Variants in ARL13B observed in about 807,000 individuals in gnomAD.
ARL13B encodes ADP-ribosylation factor-like protein 13B.
A neutral mutation model predicts 56.1 loss-of-function variants in ARL13B; 36 were observed. That is an observed-to-expected ratio of 0.64 (90% CI 0.49 to 0.85). ARL13B has a LOEUF of 0.85. Among genes scored for constraint, ARL13B ranks in the 40% least tolerant of loss-of-function variants. ARL13B has a pLI of 0.00. For synonymous variants in ARL13B, 178 were observed against 171.1 expected, an observed-to-expected ratio of 1.04 and a Z score of -0.32; for missense variants, 519 against 507.1, an observed-to-expected ratio of 1.02 and a Z score of -0.23.
chr3:93,985,370 A>G (rs898557997), intron 1 of ARL13B, among the ~76,000 whole-genome samples: 1 of 152,176 alleles, frequency 6.6e-6, no homozygotes, highest in Non-Finnish European at 1.5e-5. Context: ...TAGTGCATGT[A>G]AAATATAATG....
chr3:93,992,198 GA>G (rs1217412210), intron 1 of ARL13B, among the ~76,000 whole-genome samples: 1 of 152,054 alleles, frequency 6.6e-6, no homozygotes, highest in Non-Finnish European at 1.5e-5. Context: ...TTAAAAAACT[GA>G]AATCTTGACA....
chr3:94,005,282 G>C (rs1036662167), intron 3 of ARL13B, among the ~76,000 whole-genome samples: 1 of 152,140 alleles, frequency 6.6e-6, no homozygotes, highest in African/African-American at 2.4e-5. Context: ...TTATATATTA[G>C]ATCATCAGTG....
intron 3 of ARL13B, among the ~76,000 whole-genome samples, chr3:94,020,318 A>T (rs566358476): frequency 6.8e-4 from 104 of 152,288 alleles, no homozygotes; most frequent in African/African-American, 2.4e-3. Context: ...TATTGTCATG[A>T]TCTCTATTCT....
intron 2 of ARL13B, 31 bp downstream of exon 2, chr3:93,995,975 A>G: frequency 6.3e-7 from 1 of 1,593,342 alleles, no homozygotes; most frequent in East Asian, 2.3e-5. Flanking sequence ...TGCTTTCTGA[A>G]CTCTATTAAA....
At chr3:94,041,720 G>A (rs2076865296) in intron 6 of ARL13B, among the ~76,000 whole-genome samples, 1 of 152,028 alleles carries the variant, frequency 6.6e-6, no homozygotes, top group Admixed American at 6.6e-5. Flanking sequence ...AAAATAATGA[G>A]AATCTAATAG....
At chr3:94,014,398 C>A in intron 3 of ARL13B, 1 of 1,533,164 alleles carries the variant, frequency 6.5e-7, no homozygotes, top group Non-Finnish European at 8.7e-7. Context: ...TTTTGAGCTA[C>A]AGCATGGACA....
chr3:94,047,792 A>G (rs952467772), intron 7 of ARL13B: 7 of 152,108 alleles, frequency 4.6e-5, no homozygotes, highest in South Asian at 2.1e-4. Context: ...TTGTGGATCT[A>G]TTCTTCCAGT....
chr3:94,005,701 C>A (rs1464962627), intron 3 of ARL13B, among the ~76,000 whole-genome samples: 1 of 152,026 alleles, frequency 6.6e-6, no homozygotes, highest in Non-Finnish European at 1.5e-5. Context: ...GCCATTTGAC[C>A]AGATTTTCTC....
At chr3:94,022,764 A>G (rs2076474628) in intron 3 of ARL13B, among the ~76,000 whole-genome samples, 1 of 152,226 alleles carries the variant, frequency 6.6e-6, no homozygotes, top group African/African-American at 2.4e-5. Flanking sequence ...ATAAATGTAT[A>G]TTATGGTGAT....
intron 1 of ARL13B, among the ~76,000 whole-genome samples, chr3:93,992,644 G>A (rs1354678418): frequency 6.6e-6 from 1 of 152,108 alleles, no homozygotes; most frequent in African/African-American, 2.4e-5. Flanking sequence ...AATCGCTTTC[G>A]TTCATGGCAA....
intron 3 of ARL13B, among the ~76,000 whole-genome samples, chr3:94,034,240 G>T (rs1220501696): frequency 6.6e-6 from 1 of 151,776 alleles, no homozygotes; most frequent in African/African-American, 2.4e-5. Context: ...CAAAAAAAAA[G>T]AAGGTATATA....
At chr3:94,032,172 A>G (rs2076687830) in intron 3 of ARL13B, among the ~76,000 whole-genome samples, 1 of 152,332 alleles carries the variant, frequency 6.6e-6, no homozygotes, top group East Asian at 1.9e-4. Flanking sequence ...TTTATCCTAT[A>G]GGAGACTAAT....
Position 94,043,094 on chromosome 3 carries a change from T to G in ARL13B, c.878T>G (p.Met293Arg). 6.2e-7 allele frequency: 1 copy of G among 1,613,386 alleles called. No individual in the cohort carries two copies. The highest frequency in any genetic ancestry group is 8.5e-7 in the Non-Finnish European group (1 of 1,179,890). The change falls in exon 7 of 10, where the codon ATG becomes AGG. Residue 293 changes from methionine (M) to arginine (R), a missense_variant. Coordinates refer to ENST00000394222, the MANE Select transcript of ARL13B (RefSeq NM_001174150.2). ...DSDGCHLKHK[M>R]EHEQIETQGQ... ...GATGGCTGCCACCTGAAACATAAAA[T>G]GGAGCATGAGCAAATAGAGACACAA...
chr3:94,052,714 T>C (rs2077085659), intron 9 of ARL13B, among the ~76,000 whole-genome samples: 1 of 151,084 alleles, frequency 6.6e-6, no homozygotes. Context: ...AAAGAAATGC[T>C]TTTATTTTTA....
In ARL13B at chr3:94,049,577, A is replaced by G. The variant is rs79420917; in HGVS notation, c.1141+55A>G. 7.1e-5 allele frequency: 48 copies of G among 676,408 alleles called. No homozygotes were observed. The South Asian group carries it at 9.0e-4, about 13-fold the overall frequency. The allele number at this position is 676,408 out of a possible 1,614,324, so 41.9% of individuals were successfully genotyped here. A position where few individuals can be genotyped will look rare whatever the true frequency, so the allele number is the denominator to read the frequency against. On this transcript the variant is annotated intron_variant, in intron 8 of 9. Coordinates refer to ENST00000394222, the MANE Select transcript of ARL13B (RefSeq NM_001174150.2). ...AGAAATATTGCTTTAAACAACAGAG[A>G]AAAAAAAAAAGAAAAAAGGAATCTT...
At position 94,049,517 on chromosome 3, in the gene ARL13B, CT is replaced by C; in HGVS notation, c.1137del (p.Pro380LeufsTer47). The C allele has an allele frequency of 3.1e-6, 5 of 1,588,384 alleles. No homozygotes were observed. Among genetic ancestry groups the C allele is most frequent in the Non-Finnish European group, 4.3e-6 (5 of 1,158,842 alleles). On this transcript the variant is annotated frameshift_variant, in exon 8 of 10. Coordinates refer to ENST00000394222, the MANE Select transcript of ARL13B (RefSeq NM_001174150.2). LOFTEE classifies it high-confidence loss of function. ...AGTCCAACGCCACCCCCACCCCCTCCTCCTGGTGAGTAAATTGATACTGATA... is the reference window on the plus strand; with the variant it reads ...AGTCCAACGCCACCCCCACCCCCTCCCCTGGTGAGTAAATTGATACTGATA... Reference protein sequence around the residue: ...PESPTPPPPPPPVGWGTPKVT... With the variant: ...PESPTPPPPPXPVGWGTPKVT...
At chr3:94,009,722 A>G (rs1299662316) in intron 3 of ARL13B, among the ~76,000 whole-genome samples, 1 of 151,990 alleles carries the variant, frequency 6.6e-6, no homozygotes, top group Non-Finnish European at 1.5e-5. Flanking sequence ...GAGCGTTACC[A>G]CACTGTCATC....
In ARL13B at chr3:94,053,212, C is replaced by T. The variant is rs1050985128; in HGVS notation, c.1236C>T (p.Pro412=). ...ATTTCTATAGGAAGCCACTGCCTCC[C>T]CTGGCTGTGCCACAGCGACCTAACA... is the stretch of plus-strand genomic sequence containing the variant. ...HNDFYRKPLP[P]LAVPQRPNSD... Residue 412 remains proline, a synonymous_variant, in exon 10 of 10, where the codon CCC becomes CCT. Transcript: ENST00000394222. 2.5e-6 allele frequency: 4 copies of T among 1,612,816 alleles called. No individual in the cohort carries two copies. The highest frequency in any genetic ancestry group is 2.7e-5 in the African/African-American group (2 of 74,866).
intron 6 of ARL13B, 38 bp downstream of exon 6, chr3:94,040,026 T>TTA (rs767424148): frequency 1.3e-6 from 2 of 1,577,846 alleles, no homozygotes; most frequent in Non-Finnish European, 1.7e-6. Flanking sequence ...GTATCTTAAG[T>TTA]TATAAGTTGG....
Sources: allele counts gnomAD v4.1 joint callset (sites outside exome capture counted in the v4.1 genomes callset), GRCh38; gene constraint gnomAD v4.1.1; transcripts MANE v1.5; gene names NCBI Gene and HGNC (gene_info 2026-07-23, HGNC 2026-07-21).